The following DCDC1 variants were observed in gnomAD, a reference collection of about 807,000 sequenced individuals.
The protein encoded by DCDC1 is doublecortin domain containing 1.
In DCDC1, 200 loss-of-function variants were observed where a neutral mutation model predicts 178.3. The ratio of observed to expected loss-of-function variants is 1.12; its 90% confidence interval spans 1.00 to 1.26. The LOEUF is 1.26. Ranked by LOEUF, DCDC1 falls within the 50% of genes most tolerant of loss-of-function variation. The pLI, the probability that DCDC1 is intolerant of heterozygous loss-of-function variation, is 0.00. For missense variants in DCDC1, 1,983 were observed against 1,749.2 expected (o/e 1.13, Z -2.38); for synonymous variants, 690 against 604.8 (o/e 1.14, Z -2.07).
chr11:30,880,767 TAAAGA>T (rs1284150797), intron 37 of DCDC1, among the ~76,000 whole-genome samples: 1 of 152,130 alleles, frequency 6.6e-6, no homozygotes, highest in Admixed American at 6.5e-5. Flanking sequence ...TACTTATTAC[TAAAGA>T]AAAGAAACTG....
In DCDC1 at chr11:30,963,193, G is replaced by A. The variant is rs113200941; in HGVS notation, c.2592-10625C>T. ...ATTACAAGGAATACAAAAGAAGTTCGTGCCATTTCAAGAAACCAAGGAAGA... is the reference window on the plus strand; with the variant it reads ...ATTACAAGGAATACAAAAGAAGTTCATGCCATTTCAAGAAACCAAGGAAGA... On this transcript the variant is annotated intron_variant, in intron 20 of 38. Coordinates refer to ENST00000684477, the MANE Select transcript of DCDC1 (RefSeq NM_001387274.1). Among the ~76,000 whole-genome samples, 648 of 152,176 alleles carry A rather than the reference G, an allele frequency of 4.3e-3. 8 individuals are homozygous for A. The highest frequency in any genetic ancestry group is 0.015 in the African/African-American group (615 of 41,544).
At chr11:31,367,113 T>C (rs1004656131) in intron 1 of DCDC1, among the ~76,000 whole-genome samples, 2 of 152,186 alleles carry the variant, frequency 1.3e-5, no homozygotes, top group African/African-American at 4.8e-5. Context: ...CTGGCCAACA[T>C]GGTGAAACTC....
chr11:31,295,367 C>T (rs1006196177), intron 6 of DCDC1, among the ~76,000 whole-genome samples: 2 of 152,136 alleles, frequency 1.3e-5, no homozygotes, highest in East Asian at 3.8e-4. Context: ...GTAGTAGACA[C>T]TGTTGGTGCC....
intron 1 of DCDC1, among the ~76,000 whole-genome samples, chr11:31,349,629 T>C (rs1045015495): frequency 6.6e-6 from 1 of 152,204 alleles, no homozygotes; most frequent in Non-Finnish European, 1.5e-5. Flanking sequence ...TTAGTAATCA[T>C]TGTAATTTTT....
At chr11:30,986,537 T>C (rs112477389) in intron 20 of DCDC1, among the ~76,000 whole-genome samples, 3 of 152,216 alleles carry the variant, frequency 2.0e-5, no homozygotes, top group East Asian at 1.9e-4. Flanking sequence ...TTCACCATGT[T>C]GGTCAGGATG....
intron 9 of DCDC1, among the ~76,000 whole-genome samples, chr11:31,200,463 A>C (rs1971157553): frequency 6.6e-6 from 1 of 152,130 alleles, no homozygotes. Flanking sequence ...GAAATGCCAG[A>C]GTGGCAACGA....
chr11:31,043,483 A>AT (rs1055175397), intron 20 of DCDC1, among the ~76,000 whole-genome samples: 2 of 151,966 alleles, frequency 1.3e-5, no homozygotes, highest in Non-Finnish European at 2.9e-5. Context: ...ATGTAGGAAA[A>AT]TTTTTTTCCC....
intron 9 of DCDC1, among the ~76,000 whole-genome samples, chr11:31,153,451 T>A (rs1965382462): frequency 6.6e-6 from 1 of 152,174 alleles, no homozygotes; most frequent in African/African-American, 2.4e-5. Flanking sequence ...GTTATAACCA[T>A]AAATTCTTTT....
intron 37 of DCDC1, among the ~76,000 whole-genome samples, chr11:30,879,398 T>C (rs761528621): frequency 3.3e-5 from 5 of 152,142 alleles, no homozygotes; most frequent in Admixed American, 2.6e-4. Flanking sequence ...AATAAATGAG[T>C]ATTACTTACT....
chr11:31,223,989 C>G (rs1423393738), intron 9 of DCDC1, among the ~76,000 whole-genome samples: 1 of 151,876 alleles, frequency 6.6e-6, no homozygotes, highest in Non-Finnish European at 1.5e-5. Flanking sequence ...GCCGGTCTTT[C>G]CCATGCTAGT....
intron 21 of DCDC1, among the ~76,000 whole-genome samples, chr11:30,935,915 C>T (rs188972308): frequency 3.3e-5 from 5 of 152,294 alleles, no homozygotes; most frequent in African/African-American, 1.2e-4. Context: ...GACCCATGCA[C>T]TGGTCTTTTT....
At chr11:31,134,479 G>A (rs1001114320) in intron 10 of DCDC1, among the ~76,000 whole-genome samples, 2 of 152,168 alleles carry the variant, frequency 1.3e-5, no homozygotes, top group Non-Finnish European at 2.9e-5. Flanking sequence ...AGTGGTCCAG[G>A]ATGTTTTCAC....
intron 18 of DCDC1, 77 bp from the exon 19 acceptor site, chr11:31,065,230 G>A: frequency 1.7e-6 from 1 of 579,846 alleles, no homozygotes; most frequent in Non-Finnish European, 3.1e-6. Flanking sequence ...TGGAAAGAGA[G>A]GAGGATAAAT....
chr11:31,262,069 A>G (rs1342020284), intron 8 of DCDC1, among the ~76,000 whole-genome samples: 1 of 152,090 alleles, frequency 6.6e-6, no homozygotes, highest in African/African-American at 2.4e-5. Context: ...GTTCAAGACC[A>G]GCCTGAGCAA....
intron 7 of DCDC1, among the ~76,000 whole-genome samples, chr11:31,272,658 C>T (rs941139609): frequency 1.3e-5 from 2 of 152,236 alleles, no homozygotes; most frequent in African/African-American, 4.8e-5. Flanking sequence ...AATCTTAAAA[C>T]TCCAAAATGA....
At position 30,878,572 on chromosome 11, in the gene DCDC1, T is replaced by C; in HGVS notation, c.*12A>G. The C allele has an allele frequency of 6.3e-7, 1 of 1,587,916 alleles. No individual in the cohort carries two copies. Among genetic ancestry groups the C allele is most frequent in the Non-Finnish European group, 8.5e-7 (1 of 1,171,534 alleles). ...AAAAATACAGCAGAAAATCCGATGGTTCTGATAGGAGTTAATTGTGGAGAT... is the reference window on the plus strand; with the variant it reads ...AAAAATACAGCAGAAAATCCGATGGCTCTGATAGGAGTTAATTGTGGAGAT... On this transcript the variant is annotated 3_prime_UTR_variant, in exon 38 of 39. Coordinates refer to ENST00000684477, the MANE Select transcript of DCDC1 (RefSeq NM_001387274.1).
intron 30 of DCDC1, 187 bp downstream of exon 30, chr11:30,906,349 TATTA>T: frequency 1.8e-6 from 1 of 557,318 alleles, no homozygotes; most frequent in South Asian, 3.4e-5. Context: ...TCTATTGAAC[TATTA>T]ATAGACAATG....
chr11:30,976,942 C>G (rs1950136732), intron 20 of DCDC1, among the ~76,000 whole-genome samples: 1 of 152,098 alleles, frequency 6.6e-6, no homozygotes, highest in African/African-American at 2.4e-5. Flanking sequence ...AAGCTTCCAT[C>G]AGTGGACAAA....
chr11:31,092,073 G>A (rs1204855708), intron 16 of DCDC1, among the ~76,000 whole-genome samples: 1 of 152,156 alleles, frequency 6.6e-6, no homozygotes, highest in South Asian at 2.1e-4. Context: ...CTTACTTAGT[G>A]AGTCAACACA....
Sources: gnomAD v4.1 joint callset for allele counts (sites outside exome capture counted in the v4.1 genomes callset) on GRCh38, gnomAD v4.1.1 for gene constraint, MANE v1.5 for transcripts, NCBI Gene and HGNC (gene_info 2026-07-23, HGNC 2026-07-21) for gene names.